The following ZNF385D variants were observed in gnomAD, a reference collection of about 807,000 sequenced individuals.
The protein encoded by ZNF385D is zinc finger protein 385D.
ZNF385D carries 15 observed loss-of-function variants against 35.8 expected under a neutral mutation model. The ratio of observed to expected loss-of-function variants is 0.42; its 90% confidence interval spans 0.28 to 0.64. ZNF385D has a LOEUF of 0.64. ZNF385D is among the 30% of genes least tolerant of loss of function. The probability of loss-of-function intolerance (pLI) is 0.23; values close to 1 mark genes in which losing one functional copy is unlikely to be tolerated. For missense variants in ZNF385D, 474 were observed against 494.6 expected (o/e 0.96, Z 0.39); for synonymous variants, 212 against 186.8 (o/e 1.13, Z -1.10).
chr3:22,239,037 A>C (rs1448293782), intron 2 of ZNF385D, among the ~76,000 whole-genome samples: 1 of 150,966 alleles, frequency 6.6e-6, no homozygotes, highest in Non-Finnish European at 1.5e-5. Context: ...CATAGGCTTT[A>C]GACAACACGC....
At chr3:22,226,081 T>C (rs1177167779) in intron 2 of ZNF385D, among the ~76,000 whole-genome samples, 1 of 151,794 alleles carries the variant, frequency 6.6e-6, no homozygotes, top group East Asian at 1.9e-4. Context: ...AAAGAAACTA[T>C]ATGTGGAAAA....
At chr3:21,734,554 G>T (rs960424039) in intron 1 of ZNF385D, among the ~76,000 whole-genome samples, 1 of 151,932 alleles carries the variant, frequency 6.6e-6, no homozygotes, top group Non-Finnish European at 1.5e-5. Context: ...AAAAAACTAT[G>T]CATCAAGTAA....
At chr3:22,024,056 C>A (rs1310954886) in intron 3 of ZNF385D, among the ~76,000 whole-genome samples, 1 of 151,994 alleles carries the variant, frequency 6.6e-6, no homozygotes, top group Non-Finnish European at 1.5e-5. Flanking sequence ...GCAGACCCAC[C>A]CTTAATCTGG....
chr3:22,260,388 C>T (rs900595262), intron 2 of ZNF385D, among the ~76,000 whole-genome samples: 2 of 151,784 alleles, frequency 1.3e-5, no homozygotes, highest in Non-Finnish European at 2.9e-5. Flanking sequence ...AGGACAAATA[C>T]CTAATGCAAG....
chr3:22,307,717 A>G (rs1006882374), intron 2 of ZNF385D, among the ~76,000 whole-genome samples: 1 of 150,980 alleles, frequency 6.6e-6, no homozygotes, highest in Non-Finnish European at 1.5e-5. Context: ...TCACACTCCT[A>G]GCATACCTAG....
chr3:21,839,402 C>A (rs938273437), intron 3 of ZNF385D, among the ~76,000 whole-genome samples: 15 of 152,192 alleles, frequency 9.9e-5, no homozygotes, highest in African/African-American at 3.4e-4. Context: ...GATGACTAAA[C>A]CAGTATAGCC....
chr3:21,626,336 G>C (rs1231518526), intron 2 of ZNF385D, among the ~76,000 whole-genome samples: 1 of 152,028 alleles, frequency 6.6e-6, no homozygotes, highest in Non-Finnish European at 1.5e-5. Context: ...TGCTACATGT[G>C]TTATCACAAT....
intron 3 of ZNF385D, among the ~76,000 whole-genome samples, chr3:22,147,628 T>C (rs1704944466): frequency 1.3e-5 from 2 of 152,148 alleles, no homozygotes; most frequent in African/African-American, 2.4e-5. Flanking sequence ...CTTATATGTA[T>C]TAATACAACA....
At chr3:21,874,747 A>G (rs1238584372) in intron 3 of ZNF385D, among the ~76,000 whole-genome samples, 1 of 151,988 alleles carries the variant, frequency 6.6e-6, no homozygotes, top group Non-Finnish European at 1.5e-5. Context: ...GAAATTTTAT[A>G]ATTTTGATTT....
intron 3 of ZNF385D, among the ~76,000 whole-genome samples, chr3:22,110,904 G>C (rs1025107752): frequency 1.3e-5 from 2 of 152,022 alleles, no homozygotes; most frequent in South Asian, 4.1e-4. Context: ...ATTTAGCTGA[G>C]AGTCTTGAAT....
rs1700506159 is a variant in ZNF385D at position 21,412,469 on chromosome 3, A to C, written c.*8745T>G. On this transcript the variant is annotated 3_prime_UTR_variant, in exon 8 of 8. Transcript: ENST00000281523. The stretch of plus-strand genomic sequence containing the variant: ...CAAACTTAAACCAAGTTGAAAAAAA[A>C]AGTTTCCCAAATTGAAAACATTGCC... 6.6e-6 allele frequency: 1 copy of C among 152,070 alleles called. No homozygotes were observed. Among genetic ancestry groups the C allele is most frequent in the Admixed American group, 6.6e-5 (1 of 15,262 alleles). 9.4% of individuals were successfully genotyped at this position (152,070 alleles called of 1,614,324 possible).
intron 3 of ZNF385D, among the ~76,000 whole-genome samples, chr3:22,089,256 A>G (rs1322934907): frequency 1.3e-5 from 2 of 152,188 alleles, no homozygotes; most frequent in Non-Finnish European, 2.9e-5. Flanking sequence ...GTACATGTCT[A>G]TACTTGCTTG....
At chr3:22,175,375 T>C (rs1395132527) in intron 2 of ZNF385D, among the ~76,000 whole-genome samples, 2 of 151,990 alleles carry the variant, frequency 1.3e-5, no homozygotes, top group East Asian at 3.8e-4. Context: ...TACTGCTTAC[T>C]TGGAATATAA....
intron 3 of ZNF385D, among the ~76,000 whole-genome samples, chr3:22,017,537 T>C (rs1399212375): frequency 6.6e-6 from 1 of 152,038 alleles, no homozygotes; most frequent in Non-Finnish European, 1.5e-5. Flanking sequence ...CTGAGTTAGA[T>C]TTATGTCTAC....
chr3:21,944,060 T>G (rs1448950369), intron 3 of ZNF385D, among the ~76,000 whole-genome samples: 1 of 152,208 alleles, frequency 6.6e-6, no homozygotes, highest in Non-Finnish European at 1.5e-5. Flanking sequence ...ATATTTACCA[T>G]TTATTTATAT....
chr3:21,730,820 T>C (rs114086902), intron 1 of ZNF385D, among the ~76,000 whole-genome samples: 361 of 152,388 alleles, frequency 2.4e-3, no homozygotes, highest in Non-Finnish European at 4.0e-3. Flanking sequence ...TTTGCTGTTA[T>C]AGTGTAGATT....
intron 3 of ZNF385D, among the ~76,000 whole-genome samples, chr3:22,009,127 A>T (rs1437398445): frequency 6.6e-6 from 1 of 152,178 alleles, no homozygotes; most frequent in South Asian, 2.1e-4. Context: ...TAATTTATTT[A>T]AAAACACACA....
intron 2 of ZNF385D, among the ~76,000 whole-genome samples, chr3:21,572,595 C>T (rs1366113393): frequency 2.6e-5 from 4 of 152,066 alleles, no homozygotes; most frequent in African/African-American, 7.2e-5. Flanking sequence ...ACAGAGTTTC[C>T]CCGGGCCCTT....
chr3:22,339,494 A>G (rs1380411583), intron 2 of ZNF385D, among the ~76,000 whole-genome samples: 8 of 152,190 alleles, frequency 5.3e-5, no homozygotes, highest in East Asian at 1.9e-4. Flanking sequence ...GACTTCCAAT[A>G]AAGTACATAT....
Sources: gnomAD v4.1 joint callset for allele counts (sites outside exome capture counted in the v4.1 genomes callset) on GRCh38, gnomAD v4.1.1 for gene constraint, MANE v1.5 for transcripts, NCBI Gene and HGNC (gene_info 2026-07-23, HGNC 2026-07-21) for gene names.